SMYD3: variants seen among roughly 807,000 people sequenced by gnomAD.
SMYD3 encodes the protein histone-lysine N-methyltransferase SMYD3.
In SMYD3, 36 loss-of-function variants were observed where a neutral mutation model predicts 57.7. The observed-to-expected ratio is 0.62, with a 90% CI of 0.48 to 0.82. The LOEUF (loss-of-function observed/expected upper bound fraction) is 0.82. Among genes scored for constraint, SMYD3 ranks in the 40% least tolerant of loss-of-function variants. The pLI, the probability that SMYD3 is intolerant of heterozygous loss-of-function variation, is 0.00. For synonymous variants in SMYD3, 211 were observed against 195.0 expected (o/e 1.08, Z -0.68); for missense variants, 515 against 538.8 (o/e 0.96, Z 0.44).
intron 10 of SMYD3, among the ~76,000 whole-genome samples, chr1:245,834,614 T>C (rs1572470924): frequency 6.6e-6 from 1 of 152,180 alleles, no homozygotes; most frequent in Non-Finnish European, 1.5e-5. Context: ...AGGAAGCAAA[T>C]TATAATAGAC....
Position 246,340,031 on chromosome 1 carries a change from C to T in SMYD3, c.229-4557G>A, listed in dbSNP as rs564672979. Among the ~76,000 whole-genome samples the T allele has an allele frequency of 2.8e-4, 43 of 152,120 alleles. No homozygotes were observed. The South Asian group carries it at 4.4e-3, about 15-fold the overall frequency. ...AAAAACAGATCAAGACAAGGGCATT[C>T]CATGAGTAGCTAAAGTTGAAAAACC... is the stretch of plus-strand genomic sequence containing the variant. On this transcript the variant is annotated intron_variant, in intron 2 of 11. Transcript: ENST00000490107.
chr1:246,143,656 A>G (rs2061798355), intron 5 of SMYD3, among the ~76,000 whole-genome samples: 1 of 152,182 alleles, frequency 6.6e-6, no homozygotes, highest in African/African-American at 2.4e-5. Context: ...CAACAGAGCG[A>G]GACCCTATCT....
chr1:246,485,608 C>CA (rs1242214334), intron 1 of SMYD3, among the ~76,000 whole-genome samples: 1 of 150,784 alleles, frequency 6.6e-6, no homozygotes, highest in Non-Finnish European at 1.5e-5. Context: ...ACAGTGAGAC[C>CA]CCCCCCCACA....
intron 1 of SMYD3, among the ~76,000 whole-genome samples, chr1:246,384,020 C>T (rs2066430480): frequency 6.6e-6 from 1 of 151,924 alleles, no homozygotes; most frequent in Non-Finnish European, 1.5e-5. Flanking sequence ...GAGCAGACAC[C>T]TGGTGTCTTA....
chr1:245,759,100 C>T (rs112345602), intron 11 of SMYD3, among the ~76,000 whole-genome samples: 7 of 152,264 alleles, frequency 4.6e-5, no homozygotes, highest in African/African-American at 7.2e-5. Context: ...TCCCATAATA[C>T]GACTTAATCA....
intron 8 of SMYD3, among the ~76,000 whole-genome samples, chr1:245,881,485 T>A (rs537366573): frequency 6.6e-6 from 1 of 152,154 alleles, no homozygotes; most frequent in Non-Finnish European, 1.5e-5. Flanking sequence ...TTTTGAAGCA[T>A]CAGGTAATAG....
intron 5 of SMYD3, among the ~76,000 whole-genome samples, chr1:246,000,996 T>C (rs2059031133): frequency 1.3e-5 from 2 of 152,174 alleles, no homozygotes; most frequent in Non-Finnish European, 2.9e-5. Context: ...TAAAGTTCTG[T>C]GATGGTAAGA....
At chr1:245,960,641 C>G (rs2057976104) in intron 5 of SMYD3, among the ~76,000 whole-genome samples, 1 of 152,070 alleles carries the variant, frequency 6.6e-6, no homozygotes, top group Non-Finnish European at 1.5e-5. Flanking sequence ...GTGGGAGGAT[C>G]ACTTGAGCCT....
At chr1:246,419,863 C>G (rs2067116967) in intron 1 of SMYD3, among the ~76,000 whole-genome samples, 2 of 152,186 alleles carry the variant, frequency 1.3e-5, no homozygotes, top group African/African-American at 4.8e-5. Context: ...AAAACCAGTC[C>G]CTGGTGCCAA....
At chr1:246,482,346 A>G (rs1435262049) in intron 1 of SMYD3, among the ~76,000 whole-genome samples, 3 of 152,114 alleles carry the variant, frequency 2.0e-5, no homozygotes, top group African/African-American at 7.2e-5. Context: ...TACATCCTCA[A>G]TGTTACAGAT....
intron 7 of SMYD3, among the ~76,000 whole-genome samples, chr1:245,920,052 G>A (rs769845222): frequency 5.9e-5 from 9 of 152,070 alleles, no homozygotes; most frequent in East Asian, 1.9e-4. Flanking sequence ...GGTGGCTCAC[G>A]CCTGTAATCC....
At chr1:246,455,253 A>C (rs2067685806) in intron 1 of SMYD3, among the ~76,000 whole-genome samples, 1 of 152,206 alleles carries the variant, frequency 6.6e-6, no homozygotes, top group African/African-American at 2.4e-5. Context: ...TTTTCCAATC[A>C]TTAACTACCT....
intron 5 of SMYD3, among the ~76,000 whole-genome samples, chr1:246,296,033 G>A (rs1049264605): frequency 6.6e-6 from 1 of 152,172 alleles, no homozygotes; most frequent in Non-Finnish European, 1.5e-5. Flanking sequence ...ATTCTTGGAT[G>A]TTTTTAACTT....
At chr1:246,026,909 T>C (rs2059584315) in intron 5 of SMYD3, among the ~76,000 whole-genome samples, 1 of 152,186 alleles carries the variant, frequency 6.6e-6, no homozygotes, top group Non-Finnish European at 1.5e-5. Flanking sequence ...GAAAGACACA[T>C]GTGTTGCACA....
chr1:245,843,564 G>A (rs879444466), intron 10 of SMYD3, among the ~76,000 whole-genome samples: 5,687 of 150,190 alleles, frequency 0.038, 348 homozygotes, highest in African/African-American at 0.13. Context: ...GTGTGTGTGT[G>A]TGTGTGTGTG....
intron 1 of SMYD3, among the ~76,000 whole-genome samples, chr1:246,372,244 T>A (rs2066205015): frequency 6.6e-6 from 1 of 152,248 alleles, no homozygotes; most frequent in South Asian, 2.1e-4. Flanking sequence ...AGCACTTTGA[T>A]GCCTGCTGAC....
At chr1:246,219,893 G>A (rs1410031699) in intron 5 of SMYD3, among the ~76,000 whole-genome samples, 3 of 152,206 alleles carry the variant, frequency 2.0e-5, no homozygotes, top group East Asian at 3.9e-4. Context: ...TGCTGGTGCC[G>A]TAGTGGCTGG....
chr1:246,323,418 C>T (rs2065283259), intron 5 of SMYD3, among the ~76,000 whole-genome samples: 1 of 152,134 alleles, frequency 6.6e-6, no homozygotes, highest in Non-Finnish European at 1.5e-5. Context: ...AGCAGATGCA[C>T]GTTCAGCATT....
intron 5 of SMYD3, among the ~76,000 whole-genome samples, chr1:245,994,099 T>C (rs2058874170): frequency 6.6e-6 from 1 of 152,190 alleles, no homozygotes; most frequent in Non-Finnish European, 1.5e-5. Flanking sequence ...TCTCAACTTC[T>C]TTTCATTGCA....
Sources: gnomAD v4.1 joint callset for allele counts (sites outside exome capture counted in the v4.1 genomes callset) on GRCh38, gnomAD v4.1.1 for gene constraint, MANE v1.5 for transcripts, NCBI Gene and HGNC (gene_info 2026-07-23, HGNC 2026-07-21) for gene names.